Variants in JPH3 observed in about 807,000 individuals in gnomAD.
The protein encoded by JPH3 is junctophilin 3.
JPH3 carries 11 observed loss-of-function variants against 59.6 expected under a neutral mutation model. That is an observed-to-expected ratio of 0.18 (90% CI 0.12 to 0.31). The LOEUF is 0.31. Among genes scored for constraint, JPH3 ranks in the 10% least tolerant of loss-of-function variants. The pLI is 1.00. For synonymous variants in JPH3, 673 were observed against 483.6 expected, an observed-to-expected ratio of 1.39 and a Z score of -5.14; for missense variants, 1,202 against 1,105.7, an observed-to-expected ratio of 1.09 and a Z score of -1.24.
chr16:87,668,889 G>A (rs1345183278), intron 2 of JPH3, among the ~76,000 whole-genome samples: 1 of 150,800 alleles, frequency 6.6e-6, no homozygotes, highest in Non-Finnish European at 1.5e-5. Context: ...CACCCCCTCC[G>A]GCTGTCCCGG....
intron 1 of JPH3, among the ~76,000 whole-genome samples, chr16:87,637,178 C>T (rs1021880694): frequency 6.6e-6 from 1 of 152,242 alleles, no homozygotes; most frequent in Non-Finnish European, 1.5e-5. Flanking sequence ...GCTACCCTCA[C>T]CTCACTACGT....
chr16:87,695,255 C>G (rs560825898), intron 4 of JPH3: 1 of 454,246 alleles, frequency 2.2e-6, no homozygotes, highest in African/African-American at 2.0e-5. Context: ...TCTTAACAGA[C>G]CACCCCATCA....
intron 2 of JPH3, among the ~76,000 whole-genome samples, chr16:87,647,136 G>A (rs1597259699): frequency 6.6e-6 from 1 of 152,248 alleles, no homozygotes; most frequent in South Asian, 2.1e-4. Context: ...GTTTTGGGGG[G>A]CCCAGGGGCT....
intron 1 of JPH3, among the ~76,000 whole-genome samples, chr16:87,610,491 A>T (rs1238698035): frequency 2.6e-5 from 4 of 152,206 alleles, no homozygotes; most frequent in African/African-American, 9.7e-5. Flanking sequence ...GTGGTGGTCA[A>T]TAAATATTTG....
chr16:87,650,738 C>T (rs907808118), intron 2 of JPH3, among the ~76,000 whole-genome samples: 3 of 152,174 alleles, frequency 2.0e-5, no homozygotes, highest in Non-Finnish European at 2.9e-5. Flanking sequence ...CAGAGCAAGG[C>T]TCAACTCTAA....
At chr16:87,643,099 C>A (rs868597972) in intron 1 of JPH3, among the ~76,000 whole-genome samples, 1 of 152,154 alleles carries the variant, frequency 6.6e-6, no homozygotes, top group African/African-American at 2.4e-5. Context: ...CATCTCTGAG[C>A]GTGACTACTC....
intron 3 of JPH3, among the ~76,000 whole-genome samples, chr16:87,685,187 C>T (rs571283103): frequency 2.7e-4 from 41 of 152,326 alleles, no homozygotes; most frequent in Non-Finnish European, 4.9e-4. Flanking sequence ...CACATCATCT[C>T]TAGAGGTGAC....
At chr16:87,638,229 A>T (rs1053389439) in intron 1 of JPH3, among the ~76,000 whole-genome samples, 1 of 152,118 alleles carries the variant, frequency 6.6e-6, no homozygotes, top group Non-Finnish European at 1.5e-5. Flanking sequence ...TCCTTTTAAA[A>T]TTTTAATTTT....
At chr16:87,693,774 CG>C (rs2033680329) in intron 4 of JPH3, 1 of 152,582 alleles carries the variant, frequency 6.6e-6, no homozygotes, top group Non-Finnish European at 1.5e-5. Flanking sequence ...AGCATACAGT[CG>C]GGGGTGCCCC....
intron 2 of JPH3, among the ~76,000 whole-genome samples, chr16:87,680,691 C>A (rs1470715923): frequency 6.6e-6 from 1 of 152,144 alleles, no homozygotes; most frequent in African/African-American, 2.4e-5. Context: ...GCGTCAGGAG[C>A]CATTACCCCT....
chr16:87,641,516 T>G (rs2031951186), intron 1 of JPH3, among the ~76,000 whole-genome samples: 1 of 152,224 alleles, frequency 6.6e-6, no homozygotes, highest in Non-Finnish European at 1.5e-5. Context: ...GACCTCTCGC[T>G]GAGACCACCT....
intron 2 of JPH3, among the ~76,000 whole-genome samples, chr16:87,648,672 G>A (rs529952030): frequency 3.3e-5 from 5 of 152,290 alleles, no homozygotes; most frequent in South Asian, 4.1e-4. Flanking sequence ...GGCTGGGAGA[G>A]GGGGAGCTGG....
chr16:87,639,998 C>T lies in JPH3; in HGVS notation c.383-4260C>T, dbSNP rs983136501. 3.3e-5 allele frequency among the ~76,000 whole-genome samples: 5 copies of T among 152,184 alleles called. No homozygotes were observed. In the South Asian group the frequency reaches 6.2e-4, roughly 19 times the overall value. On this transcript the variant is annotated intron_variant, in intron 1 of 4. Transcript: ENST00000284262. Reference sequence around the variant, plus strand: ...GATCTCAGGGAGTGGGTGAGCCTCTCCTCTTTCCAGGGTCATCCTCCACTT... The same window carrying T: ...GATCTCAGGGAGTGGGTGAGCCTCTTCTCTTTCCAGGGTCATCCTCCACTT...
intron 2 of JPH3, among the ~76,000 whole-genome samples, chr16:87,667,091 C>T (rs1389206715): frequency 1.3e-5 from 2 of 152,232 alleles, no homozygotes; most frequent in African/African-American, 4.8e-5. Context: ...GGGAGGGTCC[C>T]TTCCGGCTTC....
At chr16:87,669,847 T>C (rs2150865549) in intron 2 of JPH3, among the ~76,000 whole-genome samples, 1 of 151,780 alleles carries the variant, frequency 6.6e-6, no homozygotes, top group East Asian at 1.9e-4. Context: ...CCCTCCGTTG[T>C]GTGTTAGGGG....
intron 1 of JPH3, among the ~76,000 whole-genome samples, chr16:87,633,506 T>G (rs1204715323): frequency 6.6e-6 from 1 of 151,456 alleles, no homozygotes; most frequent in Non-Finnish European, 1.5e-5. Context: ...TATATATATA[T>G]ATATTAAATG....
intron 1 of JPH3, among the ~76,000 whole-genome samples, chr16:87,606,875 T>C (rs1186271587): frequency 5.9e-5 from 9 of 152,176 alleles, no homozygotes; most frequent in Admixed American, 5.9e-4. Flanking sequence ...GTGGCAAGTG[T>C]TAAATGAATT....
chr16:87,661,388 G>T (rs1378412966), intron 2 of JPH3, among the ~76,000 whole-genome samples: 1 of 152,256 alleles, frequency 6.6e-6, no homozygotes, highest in East Asian at 1.9e-4. Context: ...CATCTTTGAG[G>T]GCTGTGTTTC....
chr16:87,602,431 CGGGGGCG>C (rs1237775178), upstream of JPH3, among the ~76,000 whole-genome samples: 108 of 13,290 alleles, frequency 8.1e-3, no homozygotes, highest in Non-Finnish European at 1.0e-2. Flanking sequence ...GGGGCGGGGG[CGGGGGCG>C]GGGGGCGGGG....
Sources: gnomAD v4.1 joint callset for allele counts (sites outside exome capture counted in the v4.1 genomes callset) on GRCh38, gnomAD v4.1.1 for gene constraint, MANE v1.5 for transcripts, NCBI Gene and HGNC (gene_info 2026-07-23, HGNC 2026-07-21) for gene names.